The following SRC variants were observed in gnomAD, a reference collection of about 807,000 sequenced individuals.
SRC encodes the protein SRC proto-oncogene, non-receptor tyrosine kinase.
A neutral mutation model predicts 62.9 loss-of-function variants in SRC; 13 were observed. The ratio of observed to expected loss-of-function variants is 0.21; its 90% CI spans 0.13 to 0.33. The LOEUF (loss-of-function observed/expected upper bound fraction) is 0.33, where lower values mean the gene tolerates loss of function less well. SRC is among the 10% of genes least tolerant of loss of function. The pLI is 1.00. For missense variants in SRC, 457 were observed against 737.3 expected (o/e 0.62, Z 4.40); for synonymous variants, 302 against 317.5 (o/e 0.95, Z 0.52).
intron 4 of SRC, among the ~76,000 whole-genome samples, chr20:37,385,639 T>C (rs73903502): frequency 0.18 from 27,598 of 152,136 alleles, 2,938 homozygotes; most frequent in African/African-American, 0.29. Flanking sequence ...AGTGACACAC[T>C]TTATAGAGAG....
chr20:37,366,496 G>C (rs3940202), intron 2 of SRC, among the ~76,000 whole-genome samples: 14,369 of 152,174 alleles, frequency 0.094, 1,026 homozygotes, highest in African/African-American at 0.2. Flanking sequence ...ACTCCAGAAA[G>C]AAACTTCACC....
At chr20:37,345,918 C>T (rs1370275970), upstream of SRC, among the ~76,000 whole-genome samples, 3 of 152,066 alleles carry the variant, frequency 2.0e-5, no homozygotes, top group African/African-American at 7.2e-5. Flanking sequence ...GTCCCCACCC[C>T]GCCCGGACCC....
chr20:37,345,396 TG>T (rs2069702336), upstream of SRC, among the ~76,000 whole-genome samples: 1 of 152,188 alleles, frequency 6.6e-6, no homozygotes, highest in African/African-American at 2.4e-5. Flanking sequence ...TTTACTTACT[TG>T]GAAGTGTGAC....
chr20:37,360,125 C>G (rs1356879212), intron 1 of SRC, among the ~76,000 whole-genome samples: 1 of 151,200 alleles, frequency 6.6e-6, no homozygotes, highest in East Asian at 1.9e-4. Flanking sequence ...GTGTGTATCT[C>G]TAAAAGACAA....
intron 1 of SRC, among the ~76,000 whole-genome samples, chr20:37,359,225 G>A (rs1282211124): frequency 6.6e-6 from 1 of 152,248 alleles, no homozygotes; most frequent in East Asian, 1.9e-4. Flanking sequence ...GCCCTAGGTG[G>A]GGCCCATCCG....
At position 37,404,461 on chromosome 20, in the gene SRC, G is replaced by C. The variant is rs1308204734; in HGVS notation, c.*1082G>C. On this transcript the variant is annotated 3_prime_UTR_variant, in exon 14 of 14. Coordinates refer to ENST00000373578, the MANE Select transcript of SRC (RefSeq NM_198291.3). ...AGAGCCAAGAGTCCAGGAGGCCCTG[G>C]TCCTGGCCTCCTTCCCCGTACTTTG... The C allele has an allele frequency of 4.3e-6, 1 of 233,566 alleles. No homozygotes were observed. Among genetic ancestry groups the C allele is most frequent in the East Asian group, 6.0e-5 (1 of 16,598 alleles). The allele number at this position is 233,566 out of a possible 1,614,324, so 14.5% of individuals were successfully genotyped here. A position where few individuals can be genotyped will look rare whatever the true frequency, so the allele number is the denominator to read the frequency against.
intron 2 of SRC, among the ~76,000 whole-genome samples, chr20:37,382,159 C>T (rs1327021032): frequency 6.6e-6 from 1 of 152,204 alleles, no homozygotes; most frequent in African/African-American, 2.4e-5. Flanking sequence ...TCTGCCTCCC[C>T]AAAGAATAAT....
In SRC at chr20:37,348,316, G is replaced by C. The variant is rs59095826; in HGVS notation, c.-247+2061G>C. ...AGGGGGGTGGGGTGGAGGGATGTCT[G>C]GCTCCCCCAAGCCCCAGGAACCAGA... On this transcript the variant is annotated intron_variant, in intron 1 of 13. Transcript: ENST00000373578. 6.9e-3 allele frequency among the ~76,000 whole-genome samples: 1,052 copies of C among 152,232 alleles called. 16 individuals carry two copies. Among genetic ancestry groups the C allele is most frequent in the African/African-American group, 0.024 (1,004 of 41,530 alleles).
intron 2 of SRC, among the ~76,000 whole-genome samples, chr20:37,367,896 T>C (rs2070089895): frequency 6.6e-6 from 1 of 152,174 alleles, no homozygotes; most frequent in Non-Finnish European, 1.5e-5. Flanking sequence ...CCTCCTGTCT[T>C]GGCTTCCAAA....
At chr20:37,399,613 C>T (rs542566949) in intron 9 of SRC, among the ~76,000 whole-genome samples, 2 of 151,238 alleles carry the variant, frequency 1.3e-5, no homozygotes, top group East Asian at 1.9e-4. Context: ...GGCACAGTTT[C>T]GGCTCACTGC....
In SRC at chr20:37,384,324, G is replaced by A. The variant is rs1209418512; in HGVS notation, c.171G>A (p.Ala57=). 6.8e-7 allele frequency: 1 copy of A among 1,466,022 alleles called. No individual in the cohort carries two copies. Among genetic ancestry groups the A allele is most frequent in the Non-Finnish European group, 9.0e-7 (1 of 1,114,264 alleles). 90.8% of individuals were successfully genotyped at this position (1,466,022 alleles called of 1,614,324 possible). A position where few individuals can be genotyped will look rare whatever the true frequency, so the allele number is the denominator to read the frequency against. Residue 57 remains alanine, a synonymous_variant, in exon 4 of 14, where the codon GCG becomes GCA. Coordinates refer to ENST00000373578, the MANE Select transcript of SRC (RefSeq NM_198291.3). The surrounding 1 kb of genome is among the most constrained non-coding windows in gnomAD (Gnocchi z 6.7). The part of the protein sequence containing the change: ...HRGPSAAFAP[A]AAEPKLFGGF... ...GCCCCAGCGCGGCCTTCGCCCCCGCGGCCGCCGAGCCCAAGCTGTTCGGAG... is the reference window on the plus strand; with the variant it reads ...GCCCCAGCGCGGCCTTCGCCCCCGCAGCCGCCGAGCCCAAGCTGTTCGGAG...
At chr20:37,381,989 G>C (rs990931587) in intron 2 of SRC, among the ~76,000 whole-genome samples, 1 of 152,146 alleles carries the variant, frequency 6.6e-6, no homozygotes, top group South Asian at 2.1e-4. Context: ...TGAGGCCCCA[G>C]GGGCACAGGG....
chr20:37,369,556 A>G (rs2070128322), intron 2 of SRC, among the ~76,000 whole-genome samples: 1 of 152,076 alleles, frequency 6.6e-6, no homozygotes, highest in African/African-American at 2.4e-5. Flanking sequence ...AGGATTTTCT[A>G]TATATAAGAT....
At chr20:37,399,583 C>T (rs897703963) in intron 9 of SRC, among the ~76,000 whole-genome samples, 3 of 151,098 alleles carry the variant, frequency 2.0e-5, no homozygotes, top group Admixed American at 1.3e-4. Flanking sequence ...CTCACTCTGT[C>T]ACCCAGGCTG....
In SRC at chr20:37,402,429, C is replaced by A. The variant is rs773160634; in HGVS notation, c.1117-6C>A. On this transcript the variant is annotated splice_region_variant and splice_polypyrimidine_tract_variant and intron_variant, in intron 11 of 13. Coordinates refer to ENST00000373578, the MANE Select transcript of SRC (RefSeq NM_198291.3). This position sits in a 1 kb window ranked among gnomAD's most constrained non-coding sequence, Gnocchi z 6.2. ...CTGAGCCAGGCTCCCACGGTTCCGC[C>A]TGCAGATCGCCTCAGGCATGGCGTA... is the stretch of plus-strand genomic sequence containing the variant. The A allele has an allele frequency of 6.2e-7, 1 of 1,611,086 alleles. No individual in the cohort carries two copies. The highest frequency in any genetic ancestry group is 8.5e-7 in the Non-Finnish European group (1 of 1,178,236).
chr20:37,381,514 A>G (rs1293436596), intron 2 of SRC, among the ~76,000 whole-genome samples: 1 of 152,124 alleles, frequency 6.6e-6, no homozygotes, highest in Non-Finnish European at 1.5e-5. Flanking sequence ...CCTCCATAAA[A>G]ATTTTTTAAA....
rs572749648 is a variant in SRC at position 37,384,863 on chromosome 20, C to T, written c.250+460C>T. Among the ~76,000 whole-genome samples the T allele has an allele frequency of 2.6e-5, 4 of 152,318 alleles. No individual in the cohort carries two copies. Among genetic ancestry groups the T allele is most frequent in the African/African-American group, 9.6e-5 (4 of 41,570 alleles). On this transcript the variant is annotated intron_variant, in intron 4 of 13. Coordinates refer to ENST00000373578, the MANE Select transcript of SRC (RefSeq NM_198291.3). The surrounding 1 kb of genome is among the most constrained non-coding windows in gnomAD (Gnocchi z 6.7). The stretch of plus-strand genomic sequence containing the variant: ...CCAGGATGCGCCCCTGCGCCCTCTG[C>T]TGGCGCTCTGCGGTCACCGCAGCCC...
chr20:37,370,219 T>C (rs1202621993), intron 2 of SRC, among the ~76,000 whole-genome samples: 1 of 152,258 alleles, frequency 6.6e-6, no homozygotes, highest in Non-Finnish European at 1.5e-5. Context: ...TTAGAATTAT[T>C]ACCTGGTTCT....
Position 37,384,407 on chromosome 20 carries a change from A to G in SRC, c.250+4A>G. 7.2e-7 allele frequency: 1 copy of G among 1,383,926 alleles called. No homozygotes were observed. Among genetic ancestry groups the G allele is most frequent in the South Asian group, 1.6e-5 (1 of 62,574 alleles). 85.7% of individuals were successfully genotyped at this position (1,383,926 alleles called of 1,614,324 possible). A position where few individuals can be genotyped will look rare whatever the true frequency, so the allele number is the denominator to read the frequency against. On this transcript the variant is annotated splice_donor_region_variant and intron_variant, in intron 4 of 13. Transcript: ENST00000373578. This position sits in a 1 kb window ranked among gnomAD's most constrained non-coding sequence, Gnocchi z 6.7. Reference sequence around the variant, plus strand: ...CAGAGGGCGGGCCCGCTGGCCGGTCAGTGCGCGGGCGGCGCGGGGTCCTCG... The same window carrying G: ...CAGAGGGCGGGCCCGCTGGCCGGTCGGTGCGCGGGCGGCGCGGGGTCCTCG...
Sources: allele counts gnomAD v4.1 joint callset (sites outside exome capture counted in the v4.1 genomes callset), GRCh38; gene constraint gnomAD v4.1.1; non-coding constraint Gnocchi (gnomAD v3.1); transcripts MANE v1.5; gene names NCBI Gene and HGNC (gene_info 2026-07-23, HGNC 2026-07-21).